Variants in PLSCR1 observed in about 807,000 individuals in gnomAD.
PLSCR1 encodes PL scramblase 1.
In PLSCR1, 17 loss-of-function variants were observed where a neutral mutation model predicts 37.8. The observed-to-expected ratio is 0.45, with a 90% CI of 0.31 to 0.68. The LOEUF (loss-of-function observed/expected upper bound fraction) is 0.68, where lower values mean the gene tolerates loss of function less well. PLSCR1 is among the 30% of genes least tolerant of loss of function. The pLI, the probability that PLSCR1 is intolerant of heterozygous loss-of-function variation, is 0.06. For synonymous variants in PLSCR1, 116 were observed against 125.9 expected (o/e 0.92, Z 0.53); for missense variants, 347 against 380.9 (o/e 0.91, Z 0.74).
chr3:146,531,857 T>A (rs2044203371), intron 3 of PLSCR1, among the ~76,000 whole-genome samples: 1 of 152,178 alleles, frequency 6.6e-6, no homozygotes, highest in East Asian at 1.9e-4. Context: ...CCAGCACATT[T>A]ACCTATACGA....
intron 3 of PLSCR1, among the ~76,000 whole-genome samples, chr3:146,530,775 G>A (rs79526352): frequency 0.027 from 4,146 of 152,288 alleles, 83 homozygotes; most frequent in Middle Eastern, 0.092. Flanking sequence ...CATCAAAGGA[G>A]GCCTTAGTAA....
In PLSCR1 at chr3:146,516,932, T is replaced by C; in HGVS notation, c.900+74A>G. The C allele has an allele frequency of 9.7e-6, 9 of 931,262 alleles. No individual in the cohort carries two copies. The South Asian group carries it at 1.3e-4, about 13-fold the overall frequency. The allele number at this position is 931,262 out of a possible 1,614,324, so 57.7% of individuals were successfully genotyped here. ...AATTTTAAAATGTCATTTTGAAATA[T>C]ACACTTTACTGAATCATTTCAGAAT... On this transcript the variant is annotated intron_variant, in intron 8 of 8. Coordinates refer to ENST00000342435, the MANE Select transcript of PLSCR1 (RefSeq NM_021105.3).
intron 5 of PLSCR1, 148 bp from the exon 6 acceptor site, chr3:146,522,201 A>C: frequency 1.6e-6 from 1 of 632,654 alleles, no homozygotes. Flanking sequence ...GATGATCCAG[A>C]CAGAGAAAAA....
At chr3:146,521,805 CAAA>C (rs1165055798) in intron 6 of PLSCR1, 25 bp downstream of exon 6, 1 of 1,589,870 alleles carries the variant, frequency 6.3e-7, no homozygotes, top group Admixed American at 1.7e-5. Context: ...AACTATTTTA[CAAA>C]GTGCCCTGGT....
At position 146,528,316 on chromosome 3, in the gene PLSCR1, A is replaced by T. The variant is rs116823630; in HGVS notation, c.312+298T>A. The T allele has an allele frequency of 1.9e-3, 709 of 375,662 alleles. 3 individuals carry two copies. The highest frequency in any genetic ancestry group is 0.014 in the African/African-American group (669 of 48,226). The allele number at this position is 375,662 out of a possible 1,614,324, so 23.3% of individuals were successfully genotyped here. ...TATACATCACAGACTTTCAATAAGGATTAAATGAGTTAATACATGTATCAG... is the reference window on the plus strand; with the variant it reads ...TATACATCACAGACTTTCAATAAGGTTTAAATGAGTTAATACATGTATCAG... On this transcript the variant is annotated intron_variant, in intron 4 of 8. Coordinates refer to ENST00000342435, the MANE Select transcript of PLSCR1 (RefSeq NM_021105.3).
intron 7 of PLSCR1, among the ~76,000 whole-genome samples, chr3:146,517,608 A>T (rs1210155326): frequency 1.3e-5 from 2 of 152,164 alleles, no homozygotes; most frequent in Admixed American, 6.6e-5. Flanking sequence ...GCTTATTACT[A>T]CCCACTGTGA....
intron 1 of PLSCR1, among the ~76,000 whole-genome samples, chr3:146,538,991 T>A (rs986194765): frequency 6.6e-6 from 1 of 152,204 alleles, no homozygotes; most frequent in African/African-American, 2.4e-5. Flanking sequence ...GTGGAAGACA[T>A]GGACCAGTGA....
intron 3 of PLSCR1, among the ~76,000 whole-genome samples, chr3:146,530,668 G>C (rs565799463): frequency 1.3e-4 from 19 of 151,928 alleles, no homozygotes; most frequent in African/African-American, 4.3e-4. Context: ...GAATACCTCT[G>C]ACTTTGTAAT....
rs1368004291 is a variant in PLSCR1 at position 146,528,453 on chromosome 3, C to G, written c.312+161G>C. The stretch of plus-strand genomic sequence containing the variant: ...AATTTTCTAAGGCATTTGTATTTTG[C>G]TTTAAAATTGAACCAGACCTAGAAG... On this transcript the variant is annotated intron_variant, in intron 4 of 8. Transcript: ENST00000342435. 1.1e-5 allele frequency: 7 copies of G among 626,430 alleles called. No individual in the cohort carries two copies. In the African/African-American group the frequency reaches 1.3e-4, roughly 12 times the overall value. The allele number at this position is 626,430 out of a possible 1,614,324, so 38.8% of individuals were successfully genotyped here.
chr3:146,535,735 T>C (rs1229766721), intron 2 of PLSCR1, among the ~76,000 whole-genome samples: 1 of 152,182 alleles, frequency 6.6e-6, no homozygotes, highest in Non-Finnish European at 1.5e-5. Context: ...TATATAAATT[T>C]ACATTTAAAA....
intron 3 of PLSCR1, among the ~76,000 whole-genome samples, chr3:146,530,753 C>T (rs2044186022): frequency 1.3e-5 from 2 of 152,116 alleles, no homozygotes; most frequent in Non-Finnish European, 2.9e-5. Context: ...AGCAAAGCAA[C>T]AGGAAGCTGT....
chr3:146,535,866 A>AT (rs1312534210), intron 2 of PLSCR1, among the ~76,000 whole-genome samples: 1 of 152,180 alleles, frequency 6.6e-6, no homozygotes. Flanking sequence ...ACAGATAAAT[A>AT]TTTTTTTGTT....
intron 5 of PLSCR1, among the ~76,000 whole-genome samples, chr3:146,523,787 A>G (rs2044067094): frequency 6.6e-6 from 1 of 152,232 alleles, no homozygotes; most frequent in East Asian, 1.9e-4. Flanking sequence ...ACTTTGTATC[A>G]AGGGCTTTCC....
intron 5 of PLSCR1, among the ~76,000 whole-genome samples, chr3:146,522,860 G>T (rs796922389): frequency 7.2e-6 from 1 of 139,048 alleles, no homozygotes; most frequent in African/African-American, 2.7e-5. Context: ...GAGGTGGGAC[G>T]TGCTGGCAGC....
intron 3 of PLSCR1, among the ~76,000 whole-genome samples, chr3:146,532,374 A>G (rs1426153164): frequency 1.3e-5 from 2 of 152,178 alleles, no homozygotes; most frequent in African/African-American, 2.4e-5. Flanking sequence ...TTAAAAGATT[A>G]CTATTCCTTG....
intron 5 of PLSCR1, among the ~76,000 whole-genome samples, chr3:146,522,715 A>G (rs936846158): frequency 1.6e-4 from 24 of 152,120 alleles, no homozygotes; most frequent in African/African-American, 5.8e-4. Flanking sequence ...GTAAAAGAGG[A>G]AGGAACGCGT....
intron 7 of PLSCR1, chr3:146,520,192 G>A (rs1413718256): frequency 6.6e-6 from 1 of 151,810 alleles, no homozygotes. Context: ...TAGATAAATA[G>A]AAGAAAAGTT....
intron 2 of PLSCR1, among the ~76,000 whole-genome samples, chr3:146,535,051 C>T (rs2044248078): frequency 6.6e-6 from 1 of 152,078 alleles, no homozygotes; most frequent in Admixed American, 6.6e-5. Flanking sequence ...AAGTGACTGA[C>T]CTAACTCCCT....
chr3:146,537,711 TA>T (rs958297452), intron 1 of PLSCR1, among the ~76,000 whole-genome samples: 1 of 151,132 alleles, frequency 6.6e-6, no homozygotes, highest in African/African-American at 2.4e-5. Context: ...CTGTCTCTAC[TA>T]AAAAAAAATT....
Sources: allele counts gnomAD v4.1 joint callset (sites outside exome capture counted in the v4.1 genomes callset), GRCh38; gene constraint gnomAD v4.1.1; transcripts MANE v1.5; gene names NCBI Gene and HGNC (gene_info 2026-07-23, HGNC 2026-07-21).